FAM227B: variants seen among roughly 807,000 people sequenced by gnomAD.
FAM227B encodes family with sequence similarity 227 member B, also known as protein FAM227B.
Under a neutral mutation model 73.8 loss-of-function variants are expected in FAM227B, and 88 were observed. That is an observed-to-expected ratio of 1.19 (90% CI 1.00 to 1.42). FAM227B has a LOEUF of 1.42. Among genes scored for constraint, FAM227B ranks in the 40% most tolerant of loss-of-function variants. The pLI is 0.00. For synonymous variants in FAM227B, 210 were observed against 190.5 expected (o/e 1.10, Z -0.84); for missense variants, 632 against 590.9 (o/e 1.07, Z -0.72).
At chr15:49,459,769 G>A (rs905237005) in intron 11 of FAM227B, among the ~76,000 whole-genome samples, 1 of 152,118 alleles carries the variant, frequency 6.6e-6, no homozygotes, top group African/African-American at 2.4e-5. Flanking sequence ...GTAGCTGGTG[G>A]TGTGCTGGAG....
intron 3 of FAM227B, among the ~76,000 whole-genome samples, chr15:49,608,755 A>G (rs1489798919): frequency 2.0e-5 from 3 of 152,050 alleles, no homozygotes. Flanking sequence ...ACAGATTACG[A>G]ATCTAACAGG....
rs547072333 is a variant in FAM227B, at chr15:49,443,815, A to G, written c.1012+64396T>C. On this transcript the variant is annotated intron_variant, in intron 11 of 15. Coordinates refer to ENST00000299338, the MANE Select transcript of FAM227B (RefSeq NM_152647.3). ...ACAGAAATAGTGAAAGCATTTTGTG[A>G]GTATTATATTTTATTATTTATATGC... Among the ~76,000 whole-genome samples, 21 of 151,808 alleles carry G rather than the reference A, an allele frequency of 1.4e-4. 1 individual carries two copies. The South Asian group carries it at 3.1e-3, about 22-fold the overall frequency.
At chr15:49,527,903 C>A (rs2060321982) in intron 10 of FAM227B, among the ~76,000 whole-genome samples, 1 of 151,792 alleles carries the variant, frequency 6.6e-6, no homozygotes, top group African/African-American at 2.4e-5. Flanking sequence ...TTGTAAGAAT[C>A]AATATCATTA....
At chr15:49,329,431 T>C (rs1480258199) in intron 15 of FAM227B, 1 of 983,114 alleles carries the variant, frequency 1.0e-6, no homozygotes, top group Non-Finnish European at 1.2e-6. Context: ...TCAGAATTAC[T>C]TATTATTCTG....
chr15:49,516,082 G>T lies in FAM227B; in HGVS notation c.875-7734C>A, dbSNP rs550894520. Among the ~76,000 whole-genome samples, 52 of 152,148 alleles carry T rather than the reference G, an allele frequency of 3.4e-4. No individual in the cohort carries two copies. In the South Asian group the frequency reaches 3.7e-3, roughly 11 times the overall value. On this transcript the variant is annotated intron_variant, in intron 10 of 15. Coordinates refer to ENST00000299338, the MANE Select transcript of FAM227B (RefSeq NM_152647.3). The stretch of plus-strand genomic sequence containing the variant: ...CTGCTTCTTTCTTGTAGGTAAATCA[G>T]GTCTTCACCAGTTCTTTAAGGACAA...
chr15:49,424,121 C>T (rs796959205), intron 11 of FAM227B: 6 of 526,984 alleles, frequency 1.1e-5, no homozygotes, highest in Non-Finnish European at 1.3e-5. Context: ...AAGGAGGAAT[C>T]CTGTGTTGTT....
chr15:49,570,775 T>C (rs1027893936), intron 8 of FAM227B, among the ~76,000 whole-genome samples: 2 of 149,670 alleles, frequency 1.3e-5, no homozygotes, highest in South Asian at 2.1e-4. Flanking sequence ...TCCATCTAGG[T>C]TGTTGGAAAT....
At chr15:49,469,080 A>C (rs1326060714) in intron 11 of FAM227B, among the ~76,000 whole-genome samples, 5 of 152,212 alleles carry the variant, frequency 3.3e-5, no homozygotes, top group African/African-American at 1.2e-4. Flanking sequence ...GGTAACTTAT[A>C]CAAGTTGTTT....
At chr15:49,516,978 CAG>C (rs2059420618) in intron 10 of FAM227B, among the ~76,000 whole-genome samples, 1 of 152,090 alleles carries the variant, frequency 6.6e-6, no homozygotes, top group South Asian at 2.1e-4. Flanking sequence ...AAGGCAAATG[CAG>C]AGAGCTTTTA....
intron 11 of FAM227B, among the ~76,000 whole-genome samples, chr15:49,480,198 G>A (rs375968332): frequency 6.6e-6 from 1 of 152,160 alleles, no homozygotes; most frequent in South Asian, 2.1e-4. Flanking sequence ...AAGAATATAA[G>A]TCTATTCTCA....
At chr15:49,586,265 G>A (rs1436266396) in intron 5 of FAM227B, among the ~76,000 whole-genome samples, 2 of 151,976 alleles carry the variant, frequency 1.3e-5, no homozygotes, top group African/African-American at 4.8e-5. Flanking sequence ...CTTTGATAAA[G>A]CTGACAAAAA....
In FAM227B at chr15:49,489,819, A is replaced by T. The variant is rs1261558875; in HGVS notation, c.1012+18392T>A. ...ATATATATTTTATATATATATATAT[A>T]TTTTATATATATATATATATTTTAT... On this transcript the variant is annotated intron_variant, in intron 11 of 15. Coordinates refer to ENST00000299338, the MANE Select transcript of FAM227B (RefSeq NM_152647.3). Among the ~76,000 whole-genome samples the T allele has an allele frequency of 7.5e-4, 44 of 58,750 alleles. 6 individuals carry two copies. The highest frequency in any genetic ancestry group is 2.8e-3 in the African/African-American group (37 of 13,022). 38.5% of individuals were successfully genotyped at this position (58,750 alleles called of 152,430 possible). A position where few individuals can be genotyped will look rare whatever the true frequency, so the allele number is the denominator to read the frequency against.
At chr15:49,468,395 A>T (rs577962970) in intron 11 of FAM227B, among the ~76,000 whole-genome samples, 1 of 152,224 alleles carries the variant, frequency 6.6e-6, no homozygotes, top group South Asian at 2.1e-4. Context: ...TAATTTATCT[A>T]CTTGTGTTTC....
intron 9 of FAM227B, among the ~76,000 whole-genome samples, chr15:49,553,528 C>G (rs983183084): frequency 3.9e-5 from 6 of 152,210 alleles, no homozygotes; most frequent in African/African-American, 1.4e-4. Flanking sequence ...CGAGGTTCCC[C>G]AGGCCCCTGG....
At chr15:49,388,326 C>T (rs565354662) in intron 11 of FAM227B, among the ~76,000 whole-genome samples, 1 of 151,844 alleles carries the variant, frequency 6.6e-6, no homozygotes, top group African/African-American at 2.4e-5. Context: ...GAAATCAAGC[C>T]AAATACTTAC....
intron 13 of FAM227B, chr15:49,366,705 G>A: frequency 4.0e-5 from 54 of 1,344,752 alleles, no homozygotes; most frequent in Non-Finnish European, 5.7e-5. Flanking sequence ...GGTGGCGGGT[G>A]GGGTGGCGCG....
At chr15:49,477,411 C>T (rs1314794502) in intron 11 of FAM227B, among the ~76,000 whole-genome samples, 2 of 152,172 alleles carry the variant, frequency 1.3e-5, no homozygotes, top group East Asian at 1.9e-4. Flanking sequence ...GCCAGAATGT[C>T]ATATGGCTGG....
intron 11 of FAM227B, among the ~76,000 whole-genome samples, chr15:49,453,101 A>G (rs554444263): frequency 1.3e-5 from 2 of 152,098 alleles, no homozygotes; most frequent in Admixed American, 6.6e-5. Context: ...TCATCCTAAA[A>G]TATTGCATTG....
intron 11 of FAM227B, among the ~76,000 whole-genome samples, chr15:49,402,615 A>T (rs113885253): frequency 0.17 from 25,686 of 152,140 alleles, 2,421 homozygotes; most frequent in Non-Finnish European, 0.21. Flanking sequence ...AATGATAGCA[A>T]TTTTTGCACA....
Sources: gnomAD v4.1 joint callset for allele counts (sites outside exome capture counted in the v4.1 genomes callset) on GRCh38, gnomAD v4.1.1 for gene constraint, MANE v1.5 for transcripts, NCBI Gene and HGNC (gene_info 2026-07-23, HGNC 2026-07-21) for gene names.